ST14: variants seen among roughly 807,000 people sequenced by gnomAD.
The protein encoded by ST14 is suppressor of tumorigenicity 14 protein.
ST14 carries 40 observed loss-of-function variants against 96.5 expected under a neutral mutation model. The ratio of observed to expected loss-of-function variants is 0.41; its 90% CI spans 0.32 to 0.54. The LOEUF (loss-of-function observed/expected upper bound fraction) is 0.54. Among genes scored for constraint, ST14 ranks in the 20% least tolerant of loss-of-function variants. The pLI, the probability that ST14 is intolerant of heterozygous loss-of-function variation, is 0.17. For synonymous variants in ST14, 506 were observed against 492.1 expected, an observed-to-expected ratio of 1.03 and a Z score of -0.37; for missense variants, 1,066 against 1,188.9, an observed-to-expected ratio of 0.90 and a Z score of 1.52.
At chr11:130,178,633 G>T (rs1207807669) in intron 1 of ST14, among the ~76,000 whole-genome samples, 3 of 152,226 alleles carry the variant, frequency 2.0e-5, no homozygotes, top group Admixed American at 2.0e-4. Flanking sequence ...GTAACCAGGT[G>T]TGGGGACTTG....
intron 17 of ST14, among the ~76,000 whole-genome samples, chr11:130,208,981 C>A (rs1021439985): frequency 6.6e-6 from 1 of 152,120 alleles, no homozygotes; most frequent in African/African-American, 2.4e-5. Context: ...CACCTTAAGC[C>A]CAGTGGTGCT....
chr11:130,208,307 C>T, intron 16 of ST14, 103 bp from the exon 17 acceptor site: 1 of 1,526,050 alleles, frequency 6.6e-7, no homozygotes, highest in Non-Finnish European at 9.1e-7. Context: ...GTAGCAGCAG[C>T]TGTGCCTCAT....
intron 1 of ST14, among the ~76,000 whole-genome samples, chr11:130,167,674 T>A (rs1953054502): frequency 6.6e-6 from 1 of 151,892 alleles, no homozygotes; most frequent in South Asian, 2.1e-4. Flanking sequence ...CCAGAATTAC[T>A]CCAAGGAGAT....
intron 1 of ST14, among the ~76,000 whole-genome samples, chr11:130,178,099 C>G (rs1403417498): frequency 6.6e-6 from 1 of 152,230 alleles, no homozygotes; most frequent in African/African-American, 2.4e-5. Context: ...ATATTGCAAA[C>G]TATACATAAT....
chr11:130,204,677 T>C (rs1953468515), intron 16 of ST14, among the ~76,000 whole-genome samples: 1 of 152,026 alleles, frequency 6.6e-6, no homozygotes, highest in Non-Finnish European at 1.5e-5. Context: ...CTGAGCATGG[T>C]GGCATGCACC....
At chr11:130,198,242 T>A in intron 12 of ST14, 66 bp from the exon 13 acceptor site, 1 of 1,467,730 alleles carries the variant, frequency 6.8e-7, no homozygotes, top group Non-Finnish European at 9.6e-7. Flanking sequence ...TCTGATCGCC[T>A]GGGCATCCTG....
Position 130,199,032 on chromosome 11 carries a change from G to C in ST14, c.1770G>C (p.Lys590Asn), listed in dbSNP as rs755336812. The C allele has an allele frequency of 5.9e-5, 96 of 1,613,956 alleles. 1 individual carries two copies. The Admixed American group carries it at 1.5e-3, about 25-fold the overall frequency. The change falls in exon 15 of 19, where the codon AAG becomes AAC. Residue 590 changes from lysine (K) to asparagine (N), a missense_variant. Lys to Asn is a moderately conservative substitution (Grantham distance 94). Transcript: ENST00000278742. ...LSKGNPECDG[K>N]EDCSDGSDEK... The stretch of plus-strand genomic sequence containing the variant: ...AGGGCAACCCTGAGTGTGACGGGAA[G>C]GAGGACTGTAGCGACGGCTCAGATG...
intron 1 of ST14, among the ~76,000 whole-genome samples, chr11:130,183,067 C>G (rs183610006): frequency 1.3e-5 from 2 of 152,096 alleles, no homozygotes; most frequent in East Asian, 3.9e-4. Flanking sequence ...AGCGACTCTC[C>G]TGCCTCAGCC....
At chr11:130,203,460 C>T (rs73038963) in intron 16 of ST14, among the ~76,000 whole-genome samples, 9,030 of 152,244 alleles carry the variant, frequency 0.059, 341 homozygotes, top group Middle Eastern at 0.095. Context: ...CCCAGAGGGG[C>T]CTTCCCCAAA....
intron 1 of ST14, among the ~76,000 whole-genome samples, chr11:130,165,891 G>C (rs941405369): frequency 2.0e-4 from 31 of 152,194 alleles, no homozygotes; most frequent in African/African-American, 7.5e-4. Flanking sequence ...TCAGAGCCTG[G>C]GAGCTCACCA....
chr11:130,188,179 G>GCATGGCCC lies in ST14; in HGVS notation c.148_155dup (p.Gly53MetfsTer13). 1.2e-6 allele frequency: 2 copies of GCATGGCCC among 1,614,240 alleles called. No individual in the cohort carries two copies. The highest frequency in any genetic ancestry group is 1.7e-6 in the Non-Finnish European group (2 of 1,180,038). On this transcript the variant is annotated frameshift_variant, in exon 2 of 19. Coordinates refer to ENST00000278742, the MANE Select transcript of ST14 (RefSeq NM_021978.4). LOFTEE classifies it high-confidence loss of function. This position sits in a 1 kb window ranked among gnomAD's most constrained non-coding sequence, Gnocchi z 5.4. ...TCAACAACGTCAAGAAGGTGGAAAA[G>GCATGGCCC]CATGGCCCGGGGCGCTGGGTGGTGC...
At chr11:130,185,337 A>G (rs1443759897) in intron 1 of ST14, among the ~76,000 whole-genome samples, 2 of 152,212 alleles carry the variant, frequency 1.3e-5, no homozygotes, top group Admixed American at 6.5e-5. Context: ...AAATATAATA[A>G]GGATTAAGGA....
At chr11:130,172,175 C>T (rs562374709) in intron 1 of ST14, among the ~76,000 whole-genome samples, 37 of 150,784 alleles carry the variant, frequency 2.5e-4, no homozygotes, top group Non-Finnish European at 4.7e-4. Context: ...AGTGCAGTGG[C>T]GTGATCACAG....
chr11:130,200,146 C>G lies in ST14; in HGVS notation c.1994+9C>G, dbSNP rs1328931479. 6.2e-7 allele frequency: 1 copy of G among 1,613,984 alleles called. No homozygotes were observed. The highest frequency in any genetic ancestry group is 8.5e-7 in the Non-Finnish European group (1 of 1,179,932). The stretch of plus-strand genomic sequence containing the variant: ...GATGACAGAGGATTCAGGTGGGTCT[C>G]TGGGTGGGCAGCAGGGAGCCTCCTT... On this transcript the variant is annotated intron_variant, in intron 16 of 18. Coordinates refer to ENST00000278742, the MANE Select transcript of ST14 (RefSeq NM_021978.4).
At chr11:130,193,366 G>A (rs7108945) in intron 7 of ST14, among the ~76,000 whole-genome samples, 32,932 of 151,970 alleles carry the variant, frequency 0.22, 3,817 homozygotes, top group African/African-American at 0.29. Flanking sequence ...CCCGACCTTG[G>A]CATGTTCTTA....
intron 8 of ST14, 49 bp from the exon 9 acceptor site, chr11:130,194,590 CG>C: frequency 6.3e-7 from 1 of 1,591,974 alleles, no homozygotes. Context: ...TCCGCCTGCT[CG>C]GCCGGGCAGG....
intron 1 of ST14, among the ~76,000 whole-genome samples, chr11:130,173,010 AG>A (rs1953106934): frequency 6.6e-6 from 1 of 152,172 alleles, no homozygotes; most frequent in Non-Finnish European, 1.5e-5. Context: ...GAGCTGGTGC[AG>A]GGGAGGGTGT....
chr11:130,169,685 G>A (rs2136202947), intron 1 of ST14, among the ~76,000 whole-genome samples: 1 of 152,292 alleles, frequency 6.6e-6, no homozygotes, highest in Admixed American at 6.5e-5. Flanking sequence ...AGTTTTATGA[G>A]GTGTGACTAT....
At chr11:130,208,282 C>T in intron 16 of ST14, 128 bp from the exon 17 acceptor site, 3 of 1,324,740 alleles carry the variant, frequency 2.3e-6, no homozygotes, top group Non-Finnish European at 3.2e-6. Context: ...TAAGAGCCGG[C>T]CCCATCGTCT....
Sources: gnomAD v4.1 joint callset for allele counts (sites outside exome capture counted in the v4.1 genomes callset) on GRCh38, gnomAD v4.1.1 for gene constraint, Gnocchi (gnomAD v3.1) non-coding constraint, MANE v1.5 for transcripts, NCBI Gene and HGNC (gene_info 2026-07-23, HGNC 2026-07-21) for gene names.